OSBPL8: variants seen among roughly 807,000 people sequenced by gnomAD.
OSBPL8 encodes oxysterol binding protein like 8.
Under a neutral mutation model 125.5 loss-of-function variants are expected in OSBPL8, and 59 were observed. That is an observed-to-expected ratio of 0.47 (90% confidence interval 0.38 to 0.58). The LOEUF is 0.58. Among genes scored for constraint, OSBPL8 ranks in the 20% least tolerant of loss-of-function variants. The pLI is 0.00. For missense variants in OSBPL8, 758 were observed against 1,047.8 expected (o/e 0.72, Z 3.82); for synonymous variants, 330 against 338.9 (o/e 0.97, Z 0.29).
chr12:76,545,110 G>C (rs186921198), intron 1 of OSBPL8, among the ~76,000 whole-genome samples: 2 of 152,206 alleles, frequency 1.3e-5, no homozygotes, highest in East Asian at 3.9e-4. Flanking sequence ...AAATCAGTCA[G>C]CATTTGTGAT....
At chr12:76,465,368 G>A (rs1413927417) in intron 2 of OSBPL8, among the ~76,000 whole-genome samples, 1 of 151,608 alleles carries the variant, frequency 6.6e-6, no homozygotes, top group Non-Finnish European at 1.5e-5. Flanking sequence ...AGACTTTCCT[G>A]GCTAACAAGG....
chr12:76,384,170 T>G, intron 15 of OSBPL8, 84 bp downstream of exon 15: 1 of 659,060 alleles, frequency 1.5e-6, no homozygotes, highest in Non-Finnish European at 2.4e-6. Flanking sequence ...TTGTTGAAAA[T>G]AGCCCATGAC....
chr12:76,461,189 TA>T (rs931613406), intron 2 of OSBPL8, among the ~76,000 whole-genome samples: 17 of 152,128 alleles, frequency 1.1e-4, no homozygotes, highest in African/African-American at 3.9e-4. Flanking sequence ...CACCAGGCCC[TA>T]AATCACTTCT....
chr12:76,439,333 C>G (rs1009384541), intron 4 of OSBPL8, among the ~76,000 whole-genome samples: 2 of 151,828 alleles, frequency 1.3e-5, no homozygotes, highest in Non-Finnish European at 2.9e-5. Flanking sequence ...GACCCAAGAT[C>G]ATGCCACTGC....
rs968696659 is a variant in OSBPL8 at position 76,395,191 on chromosome 12, C to A, written c.673-462G>T. Among the ~76,000 whole-genome samples the A allele has an allele frequency of 2.0e-5, 3 of 152,124 alleles. No individual in the cohort carries two copies. In the East Asian group the frequency reaches 5.8e-4, roughly 29 times the overall value. On this transcript the variant is annotated intron_variant, in intron 8 of 23. Transcript: ENST00000261183. ...TCCACTTTATAACCAATGACATACA[C>A]CTGTTTTTAAACACCAACTATATAA...
At chr12:76,363,415 T>C (rs1952285904) in intron 21 of OSBPL8, among the ~76,000 whole-genome samples, 1 of 152,214 alleles carries the variant, frequency 6.6e-6, no homozygotes, top group South Asian at 2.1e-4. Flanking sequence ...GGGGAAAGGA[T>C]TCCCTATTTA....
intron 2 of OSBPL8, among the ~76,000 whole-genome samples, chr12:76,483,560 T>C (rs1592763986): frequency 6.6e-6 from 1 of 150,568 alleles, no homozygotes; most frequent in East Asian, 1.9e-4. Context: ...CGAGACTCTG[T>C]CTCAATAAAA....
At chr12:76,464,296 A>G (rs1253774764) in intron 2 of OSBPL8, among the ~76,000 whole-genome samples, 8 of 152,136 alleles carry the variant, frequency 5.3e-5, no homozygotes, top group Admixed American at 5.2e-4. Context: ...CTAAAAAGCA[A>G]CAGTTTCTCT....
chr12:76,405,276 T>C (rs1954209196), intron 5 of OSBPL8, among the ~76,000 whole-genome samples: 1 of 151,980 alleles, frequency 6.6e-6, no homozygotes, highest in South Asian at 2.1e-4. Flanking sequence ...CTGGGCAACA[T>C]GGTGAGACAC....
At chr12:76,397,243 G>T (rs963161651) in intron 8 of OSBPL8, among the ~76,000 whole-genome samples, 1 of 150,172 alleles carries the variant, frequency 6.7e-6, no homozygotes, top group Non-Finnish European at 1.5e-5. Context: ...TCTGCTTATA[G>T]GCTTTACATC....
At chr12:76,396,504 A>T (rs1436513615) in intron 8 of OSBPL8, among the ~76,000 whole-genome samples, 1 of 152,108 alleles carries the variant, frequency 6.6e-6, no homozygotes, top group Non-Finnish European at 1.5e-5. Flanking sequence ...CACATCTGTA[A>T]TCCCAGCACT....
chr12:76,495,186 G>A (rs990052503), intron 1 of OSBPL8, among the ~76,000 whole-genome samples: 1 of 152,130 alleles, frequency 6.6e-6, no homozygotes, highest in Non-Finnish European at 1.5e-5. Flanking sequence ...AGTATTACCT[G>A]CCTCAATATT....
At chr12:76,437,909 G>C (rs1056677615) in intron 4 of OSBPL8, among the ~76,000 whole-genome samples, 5 of 152,100 alleles carry the variant, frequency 3.3e-5, no homozygotes, top group African/African-American at 1.2e-4. Flanking sequence ...AGTGTACCTT[G>C]AATCACATTT....
intron 1 of OSBPL8, among the ~76,000 whole-genome samples, chr12:76,528,405 A>T (rs374333631): frequency 5.9e-5 from 9 of 152,012 alleles, no homozygotes; most frequent in East Asian, 5.8e-4. Context: ...TTTCTAAGAA[A>T]CTTCACTCTT....
intron 2 of OSBPL8, among the ~76,000 whole-genome samples, chr12:76,470,332 G>A (rs1162413161): frequency 1.3e-5 from 2 of 152,128 alleles, no homozygotes; most frequent in Non-Finnish European, 2.9e-5. Context: ...CTGGCCTAAC[G>A]AGCCACAGTT....
intron 2 of OSBPL8, among the ~76,000 whole-genome samples, chr12:76,482,948 G>A (rs907282905): frequency 1.3e-5 from 2 of 152,054 alleles, no homozygotes; most frequent in Non-Finnish European, 2.9e-5. Context: ...AATAACAAGT[G>A]AGCAAATGTG....
At chr12:76,540,400 T>A (rs1950606365) in intron 1 of OSBPL8, among the ~76,000 whole-genome samples, 1 of 152,126 alleles carries the variant, frequency 6.6e-6, no homozygotes, top group African/African-American at 2.4e-5. Context: ...ATCTGACTTT[T>A]AGATTTAAGA....
chr12:76,544,852 A>C (rs1592893704), intron 1 of OSBPL8, among the ~76,000 whole-genome samples: 3 of 152,108 alleles, frequency 2.0e-5, no homozygotes, highest in African/African-American at 7.2e-5. Context: ...AAAAAAAAAA[A>C]CAGGAATAAT....
At chr12:76,358,576 G>T in intron 22 of OSBPL8, 130 bp downstream of exon 22, 1 of 694,132 alleles carries the variant, frequency 1.4e-6, no homozygotes, top group Non-Finnish European at 2.4e-6. Flanking sequence ...ATCTAGAATT[G>T]CTTTTGTATC....
Sources: gnomAD v4.1 joint callset for allele counts (sites outside exome capture counted in the v4.1 genomes callset) on GRCh38, gnomAD v4.1.1 for gene constraint, MANE v1.5 for transcripts, NCBI Gene and HGNC (gene_info 2026-07-23, HGNC 2026-07-21) for gene names.